WHRN: variants seen among roughly 807,000 people sequenced by gnomAD.
The protein encoded by WHRN is CASK-interacting protein CIP98.
Under a neutral mutation model 68.3 loss-of-function variants are expected in WHRN, and 41 were observed. The ratio of observed to expected loss-of-function variants is 0.60; its 90% confidence interval spans 0.47 to 0.78. The LOEUF is 0.78. Ranked by LOEUF, WHRN falls within the 30% of genes least tolerant of loss-of-function variation. The pLI is 0.00. For synonymous variants in WHRN, 560 were observed against 561.3 expected (o/e 1.00, Z 0.03); for missense variants, 1,243 against 1,244.7 (o/e 1.00, Z 0.02).
At chr9:114,483,585 G>A (rs1233870385) in intron 1 of WHRN, among the ~76,000 whole-genome samples, 2 of 152,100 alleles carry the variant, frequency 1.3e-5, no homozygotes, top group Non-Finnish European at 2.9e-5. Flanking sequence ...CCATGGTTAC[G>A]TGCACCAGAC....
intron 7 of WHRN, among the ~76,000 whole-genome samples, chr9:114,414,332 T>G (rs1835663486): frequency 6.6e-6 from 1 of 152,266 alleles, no homozygotes; most frequent in Non-Finnish European, 1.5e-5. Flanking sequence ...TGTGTTTTCA[T>G]ATTCTGAAAA....
At chr9:114,423,197 G>C in intron 7 of WHRN, 117 bp downstream of exon 7, 1 of 1,081,684 alleles carries the variant, frequency 9.2e-7, no homozygotes, top group Admixed American at 1.7e-5. Flanking sequence ...AGAGAGGCAA[G>C]GCACACAGCT....
chr9:114,408,295 C>T (rs894015886), intron 7 of WHRN, among the ~76,000 whole-genome samples: 1 of 152,296 alleles, frequency 6.6e-6, no homozygotes, highest in African/African-American at 2.4e-5. Context: ...CTAGCCTGGG[C>T]TGGGAATTCC....
chr9:114,455,215 T>TTCTG (rs1564174233), intron 3 of WHRN, among the ~76,000 whole-genome samples: 1 of 150,962 alleles, frequency 6.6e-6, no homozygotes, highest in East Asian at 2.0e-4. Flanking sequence ...CAAAAGATAC[T>TTCTG]TTTGTTTGTT....
At chr9:114,473,327 G>A (rs1194373930) in intron 2 of WHRN, among the ~76,000 whole-genome samples, 1 of 152,230 alleles carries the variant, frequency 6.6e-6, no homozygotes, top group African/African-American at 2.4e-5. Context: ...GCTGTGTGCA[G>A]GCAGGCTCTG....
At chr9:114,504,086 A>T in intron 1 of WHRN, 98 bp downstream of exon 1, 1 of 1,569,198 alleles carries the variant, frequency 6.4e-7, no homozygotes, top group Non-Finnish European at 8.6e-7. Context: ...CAGAAAGGCC[A>T]AGTGATTCAT....
Position 114,403,916 on chromosome 9 carries a change from T to C in WHRN, c.2398A>G (p.Thr800Ala). 1 of 1,611,090 alleles carries C rather than the reference T, an allele frequency of 6.2e-7. No individual in the cohort carries two copies. The highest frequency in any genetic ancestry group is 8.5e-7 in the Non-Finnish European group (1 of 1,180,020). ...SKELPRNERP[T>A]DGANKPPGLL... Reference sequence around the variant, plus strand: ...CTCACCGGTTTGTTGGCCCCATCTGTGGGCCTCTCGTTCCGAGGCAGCTCC... The same window carrying C: ...CTCACCGGTTTGTTGGCCCCATCTGCGGGCCTCTCGTTCCGAGGCAGCTCC... Residue 800 changes from threonine (T) to alanine (A), a missense_variant, in exon 10 of 12, where the codon ACA (threonine) becomes GCA (alanine). Transcript: ENST00000362057.
intron 1 of WHRN, among the ~76,000 whole-genome samples, chr9:114,499,485 G>A (rs1181474292): frequency 6.6e-6 from 1 of 152,218 alleles, no homozygotes; most frequent in Non-Finnish European, 1.5e-5. Flanking sequence ...CTGAGGATTA[G>A]TCTGGGGTCC....
At chr9:114,492,325 T>C (rs1433633668) in intron 1 of WHRN, among the ~76,000 whole-genome samples, 1 of 152,170 alleles carries the variant, frequency 6.6e-6, no homozygotes, top group Non-Finnish European at 1.5e-5. Context: ...AAGATGAATG[T>C]GCAGGGATGT....
At chr9:114,438,668 G>T (rs530525542) in intron 3 of WHRN, among the ~76,000 whole-genome samples, 14 of 152,054 alleles carry the variant, frequency 9.2e-5, no homozygotes, top group African/African-American at 2.9e-4. Flanking sequence ...AGCCAGGATG[G>T]TCGCTATCTC....
In WHRN at chr9:114,466,277, C is replaced by T; in HGVS notation, c.953G>A (p.Ser318Asn). Residue 318 changes from serine (S) to asparagine (N), a missense_variant, in exon 3 of 12, where the codon AGC becomes AAC. Transcript: ENST00000362057. ...CAGGCCCTCCCTCACCTTGAGCCCG[C>T]TGCCTTCTGCTTCAGAGCCTGGGTC... ...GVDPGSEAEG[S>N]GLKVGDQILE... is the part of the protein sequence containing the mutation. The T allele has an allele frequency of 6.2e-7, 1 of 1,614,092 alleles. No individual in the cohort carries two copies. Among genetic ancestry groups the T allele is most frequent in the Non-Finnish European group, 8.5e-7 (1 of 1,180,042 alleles).
At chr9:114,421,730 C>T (rs1291941069) in intron 7 of WHRN, among the ~76,000 whole-genome samples, 1 of 152,182 alleles carries the variant, frequency 6.6e-6, no homozygotes, top group African/African-American at 2.4e-5. Context: ...CAGATCCTCA[C>T]CTAAATGCCA....
intron 7 of WHRN, among the ~76,000 whole-genome samples, chr9:114,417,438 G>A (rs1489369892): frequency 6.6e-6 from 1 of 152,246 alleles, no homozygotes; most frequent in Non-Finnish European, 1.5e-5. Context: ...CATAGTAGAA[G>A]ATAATCCTGC....
intron 2 of WHRN, among the ~76,000 whole-genome samples, chr9:114,474,890 GTCA>G (rs1362853950): frequency 6.6e-6 from 1 of 152,098 alleles, no homozygotes; most frequent in African/African-American, 2.4e-5. Flanking sequence ...CTTCAGCACT[GTCA>G]TCATGTTGCT....
chr9:114,402,692 A>T lies in WHRN; in HGVS notation c.*62T>A. 1 of 1,605,406 alleles carries T rather than the reference A, an allele frequency of 6.2e-7. No homozygotes were observed. Among genetic ancestry groups the T allele is most frequent in the South Asian group, 1.1e-5 (1 of 90,850 alleles). The stretch of plus-strand genomic sequence containing the variant: ...CCCCGCAAGGAGCTTGATGAAGCCA[A>T]CGGTGGAAAGGGACTGGGACCAGGG... On this transcript the variant is annotated 3_prime_UTR_variant, in exon 12 of 12. Transcript: ENST00000362057.
intron 4 of WHRN, 128 bp from the exon 5 acceptor site, chr9:114,425,152 G>T: frequency 1.1e-6 from 1 of 938,570 alleles, no homozygotes; most frequent in Non-Finnish European, 1.8e-6. Flanking sequence ...GCCTCCACTC[G>T]CTGCCAGTTC....
At chr9:114,478,826 G>T in intron 1 of WHRN, 55 bp from the exon 2 acceptor site, 1 of 1,524,334 alleles carries the variant, frequency 6.6e-7, no homozygotes, top group South Asian at 1.2e-5. Context: ...GGGTGTGGAG[G>T]AACACCCTCC....
chr9:114,478,528 G>A (rs759345565), intron 2 of WHRN, 25 bp downstream of exon 2: 2 of 1,612,430 alleles, frequency 1.2e-6, no homozygotes, highest in South Asian at 2.2e-5. Flanking sequence ...CTGAGAGGCT[G>A]GCCTCCTTTC....
At chr9:114,451,453 T>C (rs1839323782) in intron 3 of WHRN, among the ~76,000 whole-genome samples, 1 of 152,186 alleles carries the variant, frequency 6.6e-6, no homozygotes, top group African/African-American at 2.4e-5. Context: ...AGGAATCACC[T>C]GGACAGGGCT....
Sources: gnomAD v4.1 joint callset for allele counts (sites outside exome capture counted in the v4.1 genomes callset) on GRCh38, gnomAD v4.1.1 for gene constraint, MANE v1.5 for transcripts, NCBI Gene and HGNC (gene_info 2026-07-23, HGNC 2026-07-21) for gene names.